The following IMMP2L variants were observed in gnomAD, a reference collection of about 807,000 sequenced individuals.
IMMP2L encodes inner mitochondrial membrane peptidase subunit 2, also known as mitochondrial inner membrane protease subunit 2.
In IMMP2L, 18 loss-of-function variants were observed where a neutral mutation model predicts 19.3. The observed-to-expected ratio is 0.93, with a 90% confidence interval of 0.64 to 1.38. The LOEUF (loss-of-function observed/expected upper bound fraction) is 1.38, where lower values mean the gene tolerates loss of function less well. Ranked by LOEUF, IMMP2L falls within the 40% of genes most tolerant of loss-of-function variation. The pLI is 0.00. For missense variants in IMMP2L, 233 were observed against 218.2 expected, an observed-to-expected ratio of 1.07 and a Z score of -0.43; for synonymous variants, 76 against 73.0, an observed-to-expected ratio of 1.04 and a Z score of -0.21.
chr7:110,970,093 T>C (rs1172527756), intron 3 of IMMP2L, among the ~76,000 whole-genome samples: 1 of 152,112 alleles, frequency 6.6e-6, no homozygotes, highest in Admixed American at 6.6e-5. Flanking sequence ...TGACAACTGG[T>C]CTTATTAGTG....
At chr7:110,957,234 C>A (rs1259085599) in intron 4 of IMMP2L, among the ~76,000 whole-genome samples, 7 of 151,828 alleles carry the variant, frequency 4.6e-5, no homozygotes, top group East Asian at 3.9e-4. Context: ...CAGCTGAATT[C>A]TCTGAAAAAG....
chr7:111,049,887 C>A (rs1309829673), intron 3 of IMMP2L, among the ~76,000 whole-genome samples: 2 of 152,166 alleles, frequency 1.3e-5, no homozygotes, highest in South Asian at 2.1e-4. Context: ...CCACCGCCCC[C>A]ATAGGGAAGT....
chr7:110,811,046 G>A (rs867584270), intron 5 of IMMP2L, among the ~76,000 whole-genome samples: 82 of 152,072 alleles, frequency 5.4e-4, no homozygotes, highest in African/African-American at 1.9e-3. Flanking sequence ...GAAGGCTGGG[G>A]TGACTGAAAG....
At chr7:111,231,149 G>C (rs950121503) in intron 3 of IMMP2L, among the ~76,000 whole-genome samples, 1 of 151,756 alleles carries the variant, frequency 6.6e-6, no homozygotes, top group African/African-American at 2.4e-5. Context: ...ATCTGCCTTT[G>C]CAAGTACTTA....
chr7:111,069,660 C>T (rs7801700), intron 3 of IMMP2L, among the ~76,000 whole-genome samples: 5 of 152,056 alleles, frequency 3.3e-5, no homozygotes, highest in African/African-American at 7.3e-5. Context: ...CCGAGACTCT[C>T]TGCAGTATTG....
chr7:111,529,897 C>G (rs1480912092), intron 1 of IMMP2L, among the ~76,000 whole-genome samples: 1 of 152,134 alleles, frequency 6.6e-6, no homozygotes, highest in Non-Finnish European at 1.5e-5. Context: ...AGAGAAAATA[C>G]AACCAGGAAA....
chr7:110,921,217 A>G (rs1393636339), intron 4 of IMMP2L, among the ~76,000 whole-genome samples: 1 of 152,220 alleles, frequency 6.6e-6, no homozygotes, highest in East Asian at 1.9e-4. Context: ...CTACACAAAA[A>G]TACATTTTTT....
intron 3 of IMMP2L, among the ~76,000 whole-genome samples, chr7:111,217,480 G>T (rs113528432): frequency 6.6e-6 from 1 of 152,060 alleles, no homozygotes; most frequent in Admixed American, 6.6e-5. Context: ...TTGGATTAGG[G>T]TCAGCTTCTC....
intron 3 of IMMP2L, among the ~76,000 whole-genome samples, chr7:111,478,236 T>G (rs909579718): frequency 2.6e-5 from 4 of 152,176 alleles, no homozygotes; most frequent in Non-Finnish European, 5.9e-5. Context: ...CACTAATTCT[T>G]TCCTCAGCTG....
chr7:110,860,291 C>T (rs114933723), intron 5 of IMMP2L, among the ~76,000 whole-genome samples: 1,547 of 152,076 alleles, frequency 0.01, 37 homozygotes, highest in African/African-American at 0.035. Flanking sequence ...ATTTCAGTCA[C>T]GTGAATATGC....
At chr7:111,390,522 G>T (rs574498093) in intron 3 of IMMP2L, 3 of 152,068 alleles carry the variant, frequency 2.0e-5, no homozygotes, top group African/African-American at 7.2e-5. Flanking sequence ...CAAAAGACAG[G>T]TATAAATTTT....
rs548080433 is a variant in IMMP2L, at chr7:111,064,682, C to A, written c.240-101117G>T. On this transcript the variant is annotated intron_variant, in intron 3 of 5. Coordinates refer to ENST00000405709, the MANE Select transcript of IMMP2L (RefSeq NM_032549.4). ...GAAATGCTGCCACCAGGAGGCACAA[C>A]AATGATTCCATTAAACTGGAAGTTA... 1.2e-3 allele frequency among the ~76,000 whole-genome samples: 187 copies of A among 152,218 alleles called. 1 individual carries two copies. Among genetic ancestry groups the A allele is most frequent in the Middle Eastern group, 0.01 (3 of 294 alleles).
intron 3 of IMMP2L, among the ~76,000 whole-genome samples, chr7:111,016,338 TATA>T (rs975543760): frequency 4.2e-5 from 6 of 144,334 alleles, no homozygotes; most frequent in Non-Finnish European, 6.0e-5. Context: ...TAATTATATA[TATA>T]ATAATTTATA....
chr7:111,505,508 T>A (rs1844794607), intron 2 of IMMP2L, among the ~76,000 whole-genome samples: 1 of 152,120 alleles, frequency 6.6e-6, no homozygotes, highest in South Asian at 2.1e-4. Context: ...CATGCTGCTG[T>A]AAAGGCACAC....
chr7:110,851,901 G>A (rs77674570), intron 5 of IMMP2L, among the ~76,000 whole-genome samples: 1,832 of 152,068 alleles, frequency 0.012, 46 homozygotes, highest in African/African-American at 0.042. Context: ...TTTCAGTGTC[G>A]TTCTATTTCT....
intron 5 of IMMP2L, among the ~76,000 whole-genome samples, chr7:110,829,600 A>G (rs1803785259): frequency 1.3e-5 from 2 of 152,168 alleles, no homozygotes; most frequent in South Asian, 2.1e-4. Context: ...AAAAACAAAA[A>G]AACAAAAAAA....
At chr7:110,826,648 C>G (rs1377124178) in intron 5 of IMMP2L, among the ~76,000 whole-genome samples, 6 of 151,448 alleles carry the variant, frequency 4.0e-5, no homozygotes, top group Non-Finnish European at 5.9e-5. Flanking sequence ...GAGAACACTT[C>G]AACACAGGAA....
At chr7:111,112,711 T>G (rs1352992843) in intron 3 of IMMP2L, among the ~76,000 whole-genome samples, 1 of 152,158 alleles carries the variant, frequency 6.6e-6, no homozygotes, top group Non-Finnish European at 1.5e-5. Context: ...GACACACTTT[T>G]GAAAAGAAAA....
At chr7:110,820,985 G>A (rs966745102) in intron 5 of IMMP2L, among the ~76,000 whole-genome samples, 1 of 152,016 alleles carries the variant, frequency 6.6e-6, no homozygotes, top group Non-Finnish European at 1.5e-5. Flanking sequence ...TGTCTCTGAT[G>A]ATGATTGTAA....
Sources: gnomAD v4.1 joint callset for allele counts (sites outside exome capture counted in the v4.1 genomes callset) on GRCh38, gnomAD v4.1.1 for gene constraint, MANE v1.5 for transcripts, NCBI Gene and HGNC (gene_info 2026-07-23, HGNC 2026-07-21) for gene names.